PHF14: variants seen among roughly 807,000 people sequenced by gnomAD.
PHF14 encodes the protein PHD finger protein 14.
PHF14 carries 55 observed loss-of-function variants against 117.9 expected under a neutral mutation model. That is an observed-to-expected ratio of 0.47 (90% confidence interval 0.38 to 0.58). The LOEUF (loss-of-function observed/expected upper bound fraction) is 0.58, where lower values mean the gene tolerates loss of function less well. Among genes scored for constraint, PHF14 ranks in the 20% least tolerant of loss-of-function variants. The pLI is 0.00. For synonymous variants in PHF14, 409 were observed against 368.6 expected, an observed-to-expected ratio of 1.11 and a Z score of -1.26; for missense variants, 978 against 1,122.2, an observed-to-expected ratio of 0.87 and a Z score of 1.84.
intron 16 of PHF14, chr7:11,063,162 A>G: frequency 1.0e-6 from 1 of 969,918 alleles, no homozygotes; most frequent in Non-Finnish European, 1.2e-6. Flanking sequence ...AAATTACAGT[A>G]GAAAAAGACA....
At position 11,040,681 on chromosome 7, in the gene PHF14, A is replaced by G. The variant is rs771805157; in HGVS notation, c.2086A>G (p.Ile696Val). ...LGRITGQKLN[I>V]PAILRAPKER... ...TTGTTCAAATCAATAGAAGTTGAAT[A>G]TACCGGCAATTTTGCGAGCACCCAA... Residue 696 changes from isoleucine (I) to valine (V), a missense_variant, in exon 12 of 18, where the codon ATA (isoleucine) becomes GTA (valine). Around this residue, in one of 7 missense-constraint regions of PHF14, gnomAD observed 237 missense variants for 276.4 expected, o/e 0.86. Transcript: ENST00000634607. 7.8e-6 allele frequency: 12 copies of G among 1,544,294 alleles called. No individual in the cohort carries two copies. The South Asian group carries it at 1.3e-4, about 17-fold the overall frequency.
rs61996284 is a variant in PHF14 at position 10,990,737 on chromosome 7, G to C, written c.935G>C (p.Ser312Thr). 6.4e-6 allele frequency: 10 copies of C among 1,561,054 alleles called. No individual in the cohort carries two copies. The African/African-American group carries it at 1.4e-4, about 21-fold the overall frequency. The change falls in exon 4 of 18, where the codon AGC becomes ACC. Residue 312 changes from serine (S) to threonine (T), a missense_variant. Ser to Thr is a moderately conservative substitution (Grantham distance 58, BLOSUM62 1). Transcript: ENST00000634607. The part of the protein sequence containing the change: ...SLILEKSQNW[S>T]SQKMDHILIC... ...ATTCTTGAGAAGAGTCAAAACTGGAGCTCTCAAAAAATGGACCATATTCTG... is the reference window on the plus strand; with the variant it reads ...ATTCTTGAGAAGAGTCAAAACTGGACCTCTCAAAAAATGGACCATATTCTG...
intron 17 of PHF14, among the ~76,000 whole-genome samples, chr7:11,145,820 T>A (rs1255921041): frequency 1.3e-5 from 2 of 152,090 alleles, no homozygotes; most frequent in African/African-American, 2.4e-5. Flanking sequence ...AACCTTTTAA[T>A]TTTTTGCTCT....
At chr7:11,042,935 A>G (rs1383804005) in intron 13 of PHF14, 121 bp downstream of exon 13, 15 of 668,960 alleles carry the variant, frequency 2.2e-5, no homozygotes, top group East Asian at 3.1e-5. Context: ...ATTGACTGTC[A>G]TCAATATTTA....
chr7:11,156,088 A>G (rs1054391128), intron 17 of PHF14, among the ~76,000 whole-genome samples: 1 of 152,216 alleles, frequency 6.6e-6, no homozygotes, highest in Non-Finnish European at 1.5e-5. Flanking sequence ...ATTTAAGTAC[A>G]TACCAGTGGT....
chr7:11,071,003 T>C (rs927662126), intron 16 of PHF14, among the ~76,000 whole-genome samples: 1 of 152,242 alleles, frequency 6.6e-6, no homozygotes, highest in African/African-American at 2.4e-5. Flanking sequence ...TCGTGTATGC[T>C]TCTTGAAGCT....
At chr7:11,163,521 G>T (rs967095619) in intron 17 of PHF14, among the ~76,000 whole-genome samples, 19 of 152,070 alleles carry the variant, frequency 1.2e-4, no homozygotes, top group Admixed American at 1.2e-3. Context: ...AAAATAAAAG[G>T]CCAAAGGTTG....
intron 11 of PHF14, among the ~76,000 whole-genome samples, chr7:11,040,169 A>G (rs1784453628): frequency 6.6e-6 from 1 of 152,088 alleles, no homozygotes; most frequent in East Asian, 1.9e-4. Flanking sequence ...CAGGCCACTG[A>G]GAAATGACTT....
intron 4 of PHF14, among the ~76,000 whole-genome samples, chr7:10,993,009 C>T (rs887705105): frequency 3.1e-4 from 47 of 152,066 alleles, no homozygotes; most frequent in South Asian, 1.2e-3. Context: ...CGGAATACCA[C>T]GGAAGTTATA....
chr7:11,130,225 C>T lies in PHF14; in HGVS notation c.2772+18758C>T, dbSNP rs1033095352. On this transcript the variant is annotated intron_variant, in intron 17 of 17. Coordinates refer to ENST00000634607, the MANE Select transcript of PHF14 (RefSeq NM_001007157.2). This position sits in a 1 kb window ranked among gnomAD's most constrained non-coding sequence, Gnocchi z 4.2. ...ATCATATCTGGAATTTGATACATAT[C>T]ACTCCAGGCCACATTCCTCAGATGA... is the stretch of plus-strand genomic sequence containing the variant. Among the ~76,000 whole-genome samples, 10 of 152,036 alleles carry T rather than the reference C, an allele frequency of 6.6e-5. No individual in the cohort carries two copies. The highest frequency in any genetic ancestry group is 3.4e-3 in the Middle Eastern group (1 of 294).
At chr7:10,987,212 C>G (rs1357816600) in intron 3 of PHF14, among the ~76,000 whole-genome samples, 1 of 152,048 alleles carries the variant, frequency 6.6e-6, no homozygotes, top group African/African-American at 2.4e-5. Context: ...TTATAAATAT[C>G]GAGATTCATG....
At chr7:11,003,116 T>C (rs575634085) in intron 4 of PHF14, among the ~76,000 whole-genome samples, 63 of 152,304 alleles carry the variant, frequency 4.1e-4, no homozygotes, top group Middle Eastern at 3.4e-3. Context: ...AATTTCTGTA[T>C]TTTTAGTAGA....
chr7:11,155,855 A>T (rs1014842385), intron 17 of PHF14, among the ~76,000 whole-genome samples: 2 of 152,104 alleles, frequency 1.3e-5, no homozygotes, highest in African/African-American at 4.8e-5. Flanking sequence ...TAGATGGCTT[A>T]TATAGCTTGC....
intron 5 of PHF14, among the ~76,000 whole-genome samples, chr7:11,016,543 A>G (rs1783542074): frequency 6.6e-6 from 1 of 152,118 alleles, no homozygotes; most frequent in Admixed American, 6.6e-5. Context: ...TAAGACTTAT[A>G]AACCTGACTG....
At chr7:11,082,461 A>T (rs889879327) in intron 16 of PHF14, among the ~76,000 whole-genome samples, 5 of 152,148 alleles carry the variant, frequency 3.3e-5, no homozygotes, top group Non-Finnish European at 7.4e-5. Flanking sequence ...AAATTTATAA[A>T]TTTTCTTCCC....
chr7:11,085,753 C>G (rs1680818774), intron 16 of PHF14, among the ~76,000 whole-genome samples: 1 of 151,902 alleles, frequency 6.6e-6, no homozygotes, highest in Non-Finnish European at 1.5e-5. Flanking sequence ...GAGACAGGGT[C>G]TCACTATATT....
At chr7:11,134,965 T>A (rs1051046486) in intron 17 of PHF14, among the ~76,000 whole-genome samples, 1 of 152,112 alleles carries the variant, frequency 6.6e-6, no homozygotes, top group African/African-American at 2.4e-5. Flanking sequence ...GATATCTTTG[T>A]CCTCTGGCAA....
At chr7:10,997,256 A>G (rs1782687460) in intron 4 of PHF14, among the ~76,000 whole-genome samples, 1 of 152,162 alleles carries the variant, frequency 6.6e-6, no homozygotes. Context: ...TATATCACTG[A>G]ATTTAGTAAC....
At chr7:11,088,596 T>C (rs1254105202) in intron 16 of PHF14, among the ~76,000 whole-genome samples, 2 of 152,344 alleles carry the variant, frequency 1.3e-5, no homozygotes, top group African/African-American at 4.8e-5. Context: ...TTTCTTACTG[T>C]TTTGGTTTTG....
Sources: allele counts gnomAD v4.1 joint callset (sites outside exome capture counted in the v4.1 genomes callset), GRCh38; gene constraint gnomAD v4.1.1; regional missense constraint gnomAD v4.1.1; non-coding constraint Gnocchi (gnomAD v3.1); transcripts MANE v1.5; gene names NCBI Gene and HGNC (gene_info 2026-07-23, HGNC 2026-07-21).